The following LRRFIP2 variants were observed in gnomAD, a reference collection of about 807,000 sequenced individuals.
LRRFIP2 encodes the protein LRR binding FLII interacting protein 2, also known as leucine-rich repeat flightless-interacting protein 2.
Under a neutral mutation model 125.9 loss-of-function variants are expected in LRRFIP2, and 109 were observed. The observed-to-expected ratio is 0.87, with a 90% CI of 0.74 to 1.01. The LOEUF (loss-of-function observed/expected upper bound fraction) is 1.01. Among genes scored for constraint, LRRFIP2 ranks in the 50% least tolerant of loss-of-function variants. LRRFIP2 has a pLI of 0.00. For missense variants in LRRFIP2, 850 were observed against 862.3 expected, an observed-to-expected ratio of 0.99 and a Z score of 0.18; for synonymous variants, 291 against 293.1, an observed-to-expected ratio of 0.99 and a Z score of 0.07.
chr3:37,138,919 T>G (rs1388776150), intron 2 of LRRFIP2, among the ~76,000 whole-genome samples: 1 of 152,252 alleles, frequency 6.6e-6, no homozygotes, highest in African/African-American at 2.4e-5. Flanking sequence ...ATATCCAAAC[T>G]GCCAGAGTCA....
chr3:37,163,706 G>A (rs2096404314), intron 1 of LRRFIP2, among the ~76,000 whole-genome samples: 1 of 152,234 alleles, frequency 6.6e-6, no homozygotes, highest in South Asian at 2.1e-4. Flanking sequence ...CAGACTTAGA[G>A]AGGTAGTAGA....
intron 1 of LRRFIP2, chr3:37,170,692 C>T (rs1220340385): frequency 2.3e-5 from 3 of 130,576 alleles, no homozygotes; most frequent in Non-Finnish European, 5.5e-5. Flanking sequence ...AACATTTGAC[C>T]GATTCTTGGC....
chr3:37,160,043 A>T, intron 1 of LRRFIP2, among the ~76,000 whole-genome samples: 1 of 149,748 alleles, frequency 6.7e-6, no homozygotes, highest in African/African-American at 2.4e-5. Context: ...TCTTTAATTA[A>T]GTAGTTAGAC....
intron 2 of LRRFIP2, among the ~76,000 whole-genome samples, chr3:37,148,352 C>A (rs889174219): frequency 2.0e-5 from 3 of 152,098 alleles, no homozygotes; most frequent in African/African-American, 7.2e-5. Flanking sequence ...AAAAGAAAAG[C>A]ACTTAGGGCA....
chr3:37,120,411 CT>C (rs1022030570), intron 6 of LRRFIP2, among the ~76,000 whole-genome samples: 3 of 152,078 alleles, frequency 2.0e-5, no homozygotes, highest in Non-Finnish European at 4.4e-5. Context: ...GGCCAATATT[CT>C]TAAAAATCTA....
At chr3:37,161,497 T>C (rs2362825) in intron 1 of LRRFIP2, among the ~76,000 whole-genome samples, 34,553 of 152,084 alleles carry the variant, frequency 0.23, 4,961 homozygotes, top group Non-Finnish European at 0.32. Flanking sequence ...ATGTCCAGAA[T>C]AGGTAAATCC....
intron 2 of LRRFIP2, among the ~76,000 whole-genome samples, chr3:37,140,587 C>T (rs907913190): frequency 6.7e-6 from 1 of 149,206 alleles, no homozygotes; most frequent in Non-Finnish European, 1.5e-5. Context: ...AAAAATTAGC[C>T]GGGCGTGGTA....
chr3:37,139,161 A>C (rs2095630187), intron 2 of LRRFIP2, among the ~76,000 whole-genome samples: 1 of 145,932 alleles, frequency 6.9e-6, no homozygotes, highest in South Asian at 2.1e-4. Context: ...AAATAAACAA[A>C]CTGTTTATTT....
intron 25 of LRRFIP2, among the ~76,000 whole-genome samples, chr3:37,057,997 T>C (rs752523659): frequency 2.6e-5 from 4 of 152,212 alleles, no homozygotes; most frequent in Non-Finnish European, 5.9e-5. Flanking sequence ...CTAATAAAGA[T>C]AAACTTGGAT....
chr3:37,156,307 C>T (rs1456008143), intron 1 of LRRFIP2, among the ~76,000 whole-genome samples: 1 of 151,874 alleles, frequency 6.6e-6, no homozygotes, highest in Non-Finnish European at 1.5e-5. Context: ...AAGTGAAACT[C>T]TATCTTTAAA....
chr3:37,161,081 C>T (rs768869982), intron 1 of LRRFIP2, among the ~76,000 whole-genome samples: 31 of 150,658 alleles, frequency 2.1e-4, no homozygotes, highest in Non-Finnish European at 4.6e-4. Flanking sequence ...TGATGGCTCA[C>T]GCCTGTAATC....
chr3:37,098,101 T>A (rs2093814839), intron 15 of LRRFIP2, among the ~76,000 whole-genome samples: 1 of 129,692 alleles, frequency 7.7e-6, no homozygotes, highest in Admixed American at 8.0e-5. Context: ...CTTATGTTTA[T>A]AAATATTCTT....
chr3:37,076,946 CAGAAAA>C (rs1368151538), intron 19 of LRRFIP2, among the ~76,000 whole-genome samples: 1 of 152,040 alleles, frequency 6.6e-6, no homozygotes, highest in African/African-American at 2.4e-5. Flanking sequence ...GGACAGTTTA[CAGAAAA>C]AGAAATAGAA....
rs1244800622 is a variant in LRRFIP2 at position 37,066,285 on chromosome 3, T to C, written c.1505A>G (p.Asn502Ser). 11 of 1,614,176 alleles carry C rather than the reference T, an allele frequency of 6.8e-6. No individual in the cohort carries two copies. The highest frequency in any genetic ancestry group is 2.2e-5 in the South Asian group (2 of 91,086). Reference sequence around the variant, plus strand: ...CTCCTCTCTGAGCATATCTCGCTCATTCCTAAGGCAGGCAATGTATTCTTT... The same window carrying C: ...CTCCTCTCTGAGCATATCTCGCTCACTCCTAAGGCAGGCAATGTATTCTTT... ...KQKEYIACLR[N>S]ERDMLREELA... The change falls in exon 22 of 28, where the codon AAT becomes AGT. Residue 502 changes from asparagine (N) to serine (S), a missense_variant. Physicochemically the swap from Asn to Ser is conservative, Grantham distance 46. Transcript: ENST00000336686.
chr3:37,067,658 T>C (rs573649025), intron 21 of LRRFIP2: 1 of 152,362 alleles, frequency 6.6e-6, no homozygotes, highest in East Asian at 1.9e-4. Context: ...GCAACTACGA[T>C]TTGTATAGCA....
intron 2 of LRRFIP2, among the ~76,000 whole-genome samples, chr3:37,141,709 C>A (rs184425789): frequency 6.6e-6 from 1 of 152,302 alleles, no homozygotes; most frequent in East Asian, 1.9e-4. Flanking sequence ...AGGCTCATCC[C>A]CAGGCAGGGC....
chr3:37,112,408 T>C (rs893180089), intron 8 of LRRFIP2, among the ~76,000 whole-genome samples: 1 of 150,798 alleles, frequency 6.6e-6, no homozygotes, highest in African/African-American at 2.4e-5. Context: ...GTGACTAGAA[T>C]AAAGAGTATA....
At chr3:37,172,476 T>G (rs1578159753) in intron 1 of LRRFIP2, among the ~76,000 whole-genome samples, 1 of 152,226 alleles carries the variant, frequency 6.6e-6, no homozygotes, top group Non-Finnish European at 1.5e-5. Context: ...ATTGGGGGGT[T>G]GGGGTAAGGA....
chr3:37,146,931 C>T (rs1331044158), intron 2 of LRRFIP2, among the ~76,000 whole-genome samples: 2 of 151,946 alleles, frequency 1.3e-5, no homozygotes, highest in African/African-American at 4.8e-5. Context: ...AACAGACAAG[C>T]TACAAAATGG....
Sources: allele counts gnomAD v4.1 joint callset (sites outside exome capture counted in the v4.1 genomes callset), GRCh38; gene constraint gnomAD v4.1.1; transcripts MANE v1.5; gene names NCBI Gene and HGNC (gene_info 2026-07-23, HGNC 2026-07-21).